Variants in PUM1 observed in about 807,000 individuals in gnomAD.
PUM1 encodes pumilio homolog 1.
In PUM1, 13 loss-of-function variants were observed where a neutral mutation model predicts 131.8. That is an observed-to-expected ratio of 0.10 (90% CI 0.06 to 0.16). The LOEUF is 0.16. PUM1 is among the 10% of genes least tolerant of loss of function. PUM1 has a pLI of 1.00. For missense variants in PUM1, 961 were observed against 1,512.4 expected (o/e 0.64, Z 6.05); for synonymous variants, 509 against 556.5 (o/e 0.91, Z 1.20).
intron 5 of PUM1, among the ~76,000 whole-genome samples, chr1:30,996,819 T>G (rs752143528): frequency 6.6e-6 from 1 of 152,208 alleles, no homozygotes; most frequent in Non-Finnish European, 1.5e-5. Flanking sequence ...CCAAAGGCAA[T>G]AGCTTCCTCC....
At chr1:30,952,532 C>A (rs1282105136) in intron 15 of PUM1, among the ~76,000 whole-genome samples, 169 bp from the exon 16 acceptor site, 2 of 151,936 alleles carry the variant, frequency 1.3e-5, no homozygotes, top group Non-Finnish European at 2.9e-5. Context: ...ACTTGAACTC[C>A]CTTGAAGAGT....
chr1:31,032,863 T>C (rs1643480151), intron 2 of PUM1, among the ~76,000 whole-genome samples: 1 of 152,064 alleles, frequency 6.6e-6, no homozygotes, highest in Non-Finnish European at 1.5e-5. Context: ...CCTAGCACTT[T>C]GGGAGGCTAA....
At chr1:31,059,702 G>A (rs1644325561) in intron 1 of PUM1, 125 bp from the exon 2 acceptor site, 6 of 1,133,546 alleles carry the variant, frequency 5.3e-6, no homozygotes, top group Non-Finnish European at 7.4e-6. Flanking sequence ...ATGCACTCTG[G>A]CAAGGTATTG....
intron 3 of PUM1, among the ~76,000 whole-genome samples, chr1:31,011,555 A>G (rs1384923118): frequency 6.6e-6 from 1 of 152,244 alleles, no homozygotes; most frequent in Non-Finnish European, 1.5e-5. Context: ...ACTGAATTAT[A>G]AAACCAAATG....
At chr1:31,031,025 A>G (rs969878479) in intron 2 of PUM1, among the ~76,000 whole-genome samples, 5 of 152,242 alleles carry the variant, frequency 3.3e-5, no homozygotes, top group African/African-American at 1.2e-4. Flanking sequence ...AGGCCCTGAA[A>G]TAGGAGCTAT....
intron 1 of PUM1, chr1:31,061,835 C>T (rs1644375489): frequency 6.6e-6 from 1 of 152,144 alleles, no homozygotes; most frequent in African/African-American, 2.4e-5. Context: ...TGCCTATAGT[C>T]CCAGCTACTA....
intron 3 of PUM1, among the ~76,000 whole-genome samples, chr1:31,013,538 TA>T (rs1382122630): frequency 3.9e-5 from 6 of 152,230 alleles, no homozygotes; most frequent in African/African-American, 1.4e-4. Context: ...AACACAAGCT[TA>T]GTTTCACTGG....
At chr1:31,040,785 A>T (rs894860370) in intron 2 of PUM1, among the ~76,000 whole-genome samples, 4 of 150,194 alleles carry the variant, frequency 2.7e-5, no homozygotes, top group African/African-American at 7.3e-5. Flanking sequence ...TTTTATCTTT[A>T]AAAAAAAAAT....
intron 2 of PUM1, among the ~76,000 whole-genome samples, chr1:31,041,625 G>C (rs1006786260): frequency 6.6e-6 from 1 of 151,998 alleles, no homozygotes; most frequent in Middle Eastern, 3.2e-3. Flanking sequence ...CACAAGAGCT[G>C]GCTGTTTAAA....
At position 31,057,542 on chromosome 1, in the gene PUM1, T is replaced by C. The variant is rs553207157; in HGVS notation, c.363+1662A>G. Among the ~76,000 whole-genome samples, 5 of 150,530 alleles carry C rather than the reference T, an allele frequency of 3.3e-5. No homozygotes were observed. The East Asian group carries it at 9.8e-4, about 29-fold the overall frequency. ...GAGTTCAAGACCAGCCCGGCCAACA[T>C]GGTGAAACCCTCTCTCTGCTAAAAA... On this transcript the variant is annotated intron_variant, in intron 2 of 21. Coordinates refer to ENST00000426105, the MANE Select transcript of PUM1 (RefSeq NM_001020658.2).
chr1:30,996,263 A>G (rs1641976710), intron 5 of PUM1, among the ~76,000 whole-genome samples: 1 of 152,254 alleles, frequency 6.6e-6, no homozygotes, highest in South Asian at 2.1e-4. Context: ...ACCAAGTTCA[A>G]GTTCCTGGTA....
intron 2 of PUM1, among the ~76,000 whole-genome samples, chr1:31,056,609 C>T (rs893130228): frequency 1.6e-4 from 7 of 43,706 alleles, no homozygotes; most frequent in South Asian, 1.3e-3. Flanking sequence ...CTTTTCTTTT[C>T]TTTTTTTTTT....
chr1:30,986,559 A>G (rs1191568912), intron 7 of PUM1, among the ~76,000 whole-genome samples: 1 of 152,148 alleles, frequency 6.6e-6, no homozygotes, highest in East Asian at 1.9e-4. Flanking sequence ...AACTAAAAAA[A>G]AAAAATCATC....
intron 5 of PUM1, 42 bp downstream of exon 5, chr1:31,005,811 G>T: frequency 6.6e-7 from 1 of 1,521,882 alleles, no homozygotes; most frequent in Non-Finnish European, 8.8e-7. Context: ...GAGAGAGAGA[G>T]AGAGAGAGAG....
At chr1:31,000,251 T>C (rs183781850) in intron 5 of PUM1, among the ~76,000 whole-genome samples, 3 of 152,358 alleles carry the variant, frequency 2.0e-5, no homozygotes, top group Admixed American at 6.5e-5. Flanking sequence ...ATTAGCTAAA[T>C]GAATAAATGA....
intron 7 of PUM1, among the ~76,000 whole-genome samples, chr1:30,983,502 AAGAC>A (rs1641431633): frequency 6.6e-6 from 1 of 152,188 alleles, no homozygotes; most frequent in Non-Finnish European, 1.5e-5. Flanking sequence ...TGGGGAAAAA[AAGAC>A]AGTATGTTCA....
intron 5 of PUM1, among the ~76,000 whole-genome samples, chr1:31,000,287 T>G (rs1031874645): frequency 1.3e-5 from 2 of 152,236 alleles, no homozygotes; most frequent in African/African-American, 4.8e-5. Context: ...ATCTTTTAAT[T>G]ATGGGCTTTC....
intron 2 of PUM1, among the ~76,000 whole-genome samples, chr1:31,034,957 A>C (rs947927150): frequency 2.6e-5 from 4 of 152,228 alleles, no homozygotes; most frequent in Non-Finnish European, 5.9e-5. Flanking sequence ...CAATGAGAAA[A>C]GGAAAGAGAA....
chr1:31,037,514 T>C (rs1455441220), intron 2 of PUM1, among the ~76,000 whole-genome samples: 1 of 148,662 alleles, frequency 6.7e-6, no homozygotes, highest in Non-Finnish European at 1.5e-5. Flanking sequence ...AGGTCAGGAG[T>C]TTGAGACCAG....
Sources: gnomAD v4.1 joint callset for allele counts (sites outside exome capture counted in the v4.1 genomes callset) on GRCh38, gnomAD v4.1.1 for gene constraint, MANE v1.5 for transcripts, NCBI Gene and HGNC (gene_info 2026-07-23, HGNC 2026-07-21) for gene names.